Variants in MROH7 observed in about 807,000 individuals in gnomAD.
MROH7 encodes maestro heat like repeat family member 7.
In MROH7, 113 loss-of-function variants were observed where a neutral mutation model predicts 129.2. That is an observed-to-expected ratio of 0.87 (90% CI 0.75 to 1.02). The LOEUF is 1.02. Ranked by LOEUF, MROH7 falls within the 50% of genes least tolerant of loss-of-function variation. The pLI, the probability that MROH7 is intolerant of heterozygous loss-of-function variation, is 0.00. For synonymous variants in MROH7, 655 were observed against 667.9 expected, an observed-to-expected ratio of 0.98 and a Z score of 0.30; for missense variants, 1,601 against 1,671.3, an observed-to-expected ratio of 0.96 and a Z score of 0.73.
chr1:54,680,176 G>T, intron 13 of MROH7, 131 bp downstream of exon 13: 1 of 765,666 alleles, frequency 1.3e-6, no homozygotes, highest in Non-Finnish European at 2.2e-6. Flanking sequence ...GTGATCTGGG[G>T]TGTTTATGAC....
chr1:54,684,792 G>A (rs1569945929), intron 14 of MROH7, among the ~76,000 whole-genome samples: 2 of 152,174 alleles, frequency 1.3e-5, no homozygotes, highest in Non-Finnish European at 2.9e-5. Flanking sequence ...TCTGTAAAAT[G>A]GGCTATGATA....
At chr1:54,662,966 A>G (rs1182232558) in intron 3 of MROH7, among the ~76,000 whole-genome samples, 2 of 152,184 alleles carry the variant, frequency 1.3e-5, no homozygotes, top group Admixed American at 1.3e-4. Context: ...TTTTGGCAGG[A>G]ATAGCACAGA....
chr1:54,645,655 C>CTTTTTTTTT (rs60788847), intron 1 of MROH7, among the ~76,000 whole-genome samples: 2 of 124,248 alleles, frequency 1.6e-5, no homozygotes, highest in African/African-American at 3.2e-5. Flanking sequence ...TTCTTTCTTT[C>CTTTTTTTTT]TTTTTTTTTT....
At chr1:54,678,266 G>A (rs929229122) in intron 10 of MROH7, among the ~76,000 whole-genome samples, 1 of 152,170 alleles carries the variant, frequency 6.6e-6, no homozygotes, top group Admixed American at 6.5e-5. Context: ...TTAGCAGCAC[G>A]ATGCTTAGTA....
At chr1:54,690,946 T>C (rs1403732679) in intron 15 of MROH7, among the ~76,000 whole-genome samples, 2 of 151,752 alleles carry the variant, frequency 1.3e-5, no homozygotes, top group Non-Finnish European at 2.9e-5. Context: ...GAGGGGAGGG[T>C]GGTCCAGTCA....
Position 54,653,512 on chromosome 1 carries a change from C to A in MROH7, c.586C>A (p.Pro196Thr), listed in dbSNP as rs189830889. The change falls in exon 3 of 24, where the codon CCA becomes ACA. Residue 196 changes from proline to threonine, a missense_variant. Physicochemically the swap from Pro to Thr is conservative, Grantham distance 38. Transcript: ENST00000421030. ...GGTTCTGGGCCACTGCATCTCTAGG[C>A]CAAGCTCAAAAGCACTCCTTATTCC... The part of the protein sequence containing the change: ...GLVLGHCISR[P>T]SSKALLIPTS... The A allele has an allele frequency of 6.2e-7, 1 of 1,614,178 alleles. No individual in the cohort carries two copies. The highest frequency in any genetic ancestry group is 1.3e-5 in the African/African-American group (1 of 75,030).
At chr1:54,699,860 C>G in intron 17 of MROH7, 1 of 515,592 alleles carries the variant, frequency 1.9e-6, no homozygotes, top group Admixed American at 3.7e-5. Context: ...AGTGTCAAGC[C>G]TAGCTTTAAG....
intron 3 of MROH7, among the ~76,000 whole-genome samples, chr1:54,664,857 C>A (rs958872570): frequency 6.6e-6 from 1 of 152,018 alleles, no homozygotes. Flanking sequence ...ACTAAAAATA[C>A]AAAAATTAGA....
At chr1:54,681,644 T>C (rs924135436) in intron 13 of MROH7, among the ~76,000 whole-genome samples, 5 of 152,192 alleles carry the variant, frequency 3.3e-5, no homozygotes, top group Non-Finnish European at 7.4e-5. Flanking sequence ...GTTAACCCTT[T>C]AGTACACTGG....
At position 54,695,394 on chromosome 1, in the gene MROH7, C is replaced by T; in HGVS notation, c.2868C>T (p.Ser956=). The T allele has an allele frequency of 1.2e-6, 2 of 1,612,430 alleles. No homozygotes were observed. Among genetic ancestry groups the T allele is most frequent in the Non-Finnish European group, 1.7e-6 (2 of 1,179,160 alleles). ...CCCCCAGGGCCATGGTGCAGTACTCCTGCCAGGAGCTGTGCCGCATCCTCT... is the reference window on the plus strand; with the variant it reads ...CCCCCAGGGCCATGGTGCAGTACTCTTGCCAGGAGCTGTGCCGCATCCTCT... ...ALLARAMVQY[S]CQELCRILYL... The change falls in exon 17 of 24, where the codon TCC becomes TCT. Residue 956 remains serine (S), a synonymous_variant. Coordinates refer to ENST00000421030, the MANE Select transcript of MROH7 (RefSeq NM_001039464.4).
At chr1:54,663,692 A>C (rs548993468) in intron 3 of MROH7, 25 of 400,624 alleles carry the variant, frequency 6.2e-5, no homozygotes, top group African/African-American at 4.5e-4. Flanking sequence ...CTCTAAAAAA[A>C]AAAAAAAAAC....
intron 4 of MROH7, among the ~76,000 whole-genome samples, chr1:54,667,985 G>A (rs919306102): frequency 7.9e-5 from 12 of 152,200 alleles, no homozygotes; most frequent in Non-Finnish European, 1.5e-5. Flanking sequence ...AGTTTGACTG[G>A]GCTTAGCTGG....
At chr1:54,659,064 A>G (rs1644690821) in intron 3 of MROH7, 1 of 427,428 alleles carries the variant, frequency 2.3e-6, no homozygotes, top group South Asian at 1.7e-5. Context: ...ATAATACTGT[A>G]TTTACTGTGT....
chr1:54,701,184 C>A lies in MROH7; in HGVS notation c.3147C>A (p.Gly1049=). The A allele has an allele frequency of 6.2e-7, 1 of 1,614,140 alleles. No homozygotes were observed. Among genetic ancestry groups the A allele is most frequent in the Admixed American group, 1.7e-5 (1 of 60,020 alleles). Residue 1049 remains glycine, a synonymous_variant, in exon 19 of 24, where the codon GGC becomes GGA. Transcript: ENST00000421030. ...CCCTCCTGCCCTCCATGGTGAAGGG[C>A]CTGAAGAACATGGATGGGATGCTGG... ...VKALLPSMVK[G]LKNMDGMLVV... is the part of the protein sequence containing the mutation.
chr1:54,696,659 C>CTTTTTTTTTTTTT (rs1157748080), intron 17 of MROH7, among the ~76,000 whole-genome samples: 3 of 66,894 alleles, frequency 4.5e-5, no homozygotes, highest in Admixed American at 2.1e-4. Context: ...AATTTCCTTA[C>CTTTTTTTTTTTTT]TTTTTTTTTT....
At position 54,701,152 on chromosome 1, in the gene MROH7, G is replaced by T. The variant is rs750134402; in HGVS notation, c.3115G>T (p.Val1039Leu). 2 of 1,613,568 alleles carry T rather than the reference G, an allele frequency of 1.2e-6. No individual in the cohort carries two copies. The highest frequency in any genetic ancestry group is 2.7e-5 in the African/African-American group (2 of 74,926). Residue 1039 changes from valine to leucine, a missense_variant, in exon 19 of 24, where the codon GTG becomes TTG. Transcript: ENST00000421030. ...TGCTCCTGCCCCACAGACCGCCAAG[G>T]TGAAGGCCCTCCTGCCCTCCATGGT... is the stretch of plus-strand genomic sequence containing the variant. ...LARRSEKTAK[V>L]KALLPSMVKG...
At position 54,670,862 on chromosome 1, in the gene MROH7, G is replaced by A; in HGVS notation, c.1532G>A (p.Ser511Asn). 1 of 1,613,806 alleles carries A rather than the reference G, an allele frequency of 6.2e-7. No individual in the cohort carries two copies. Among genetic ancestry groups the A allele is most frequent in the Non-Finnish European group, 8.5e-7 (1 of 1,179,938 alleles). ...GAGCTGGTGAACGTGTGTGTGCACA[G>A]CGTGTTCTCCCTGCCCTCCGTGCAG... Reference protein sequence around the residue: ...RSELVNVCVHSVFSLPSVQAM... With the variant: ...RSELVNVCVHNVFSLPSVQAM... Residue 511 changes from serine (S) to asparagine (N), a missense_variant, in exon 7 of 24, where the codon AGC (serine) becomes AAC (asparagine). Coordinates refer to ENST00000421030, the MANE Select transcript of MROH7 (RefSeq NM_001039464.4).
At chr1:54,678,239 G>C (rs1441078093) in intron 10 of MROH7, among the ~76,000 whole-genome samples, 2 of 152,148 alleles carry the variant, frequency 1.3e-5, no homozygotes, top group Admixed American at 6.5e-5. Flanking sequence ...CTCATCAAAA[G>C]ACACACTAGA....
chr1:54,662,339 C>G (rs1644745597), intron 3 of MROH7, among the ~76,000 whole-genome samples: 1 of 152,038 alleles, frequency 6.6e-6, no homozygotes, highest in Non-Finnish European at 1.5e-5. Context: ...AGTTCAAGAC[C>G]AGCCTGGCCA....
Sources: allele counts gnomAD v4.1 joint callset (sites outside exome capture counted in the v4.1 genomes callset), GRCh38; gene constraint gnomAD v4.1.1; transcripts MANE v1.5; gene names NCBI Gene and HGNC (gene_info 2026-07-23, HGNC 2026-07-21).